Variants in MYOM1 observed in about 807,000 individuals in gnomAD.
MYOM1 encodes the protein myomesin-1.
In MYOM1, 164 loss-of-function variants were observed where a neutral mutation model predicts 205.3. That is an observed-to-expected ratio of 0.80 (90% confidence interval 0.70 to 0.91). The LOEUF is 0.91. Ranked by LOEUF, MYOM1 falls within the 40% of genes least tolerant of loss-of-function variation. The pLI is 0.00. For synonymous variants in MYOM1, 772 were observed against 789.4 expected (o/e 0.98, Z 0.37); for missense variants, 2,011 against 2,127.3 (o/e 0.95, Z 1.08).
At chr18:3,206,579 T>G (rs2081125944) in intron 2 of MYOM1, among the ~76,000 whole-genome samples, 1 of 152,228 alleles carries the variant, frequency 6.6e-6, no homozygotes, top group Non-Finnish European at 1.5e-5. Context: ...ATGATACTTT[T>G]CTTTGGACTT....
chr18:3,177,882 A>G (rs1479941696), intron 5 of MYOM1, among the ~76,000 whole-genome samples: 1 of 152,160 alleles, frequency 6.6e-6, no homozygotes, highest in Non-Finnish European at 1.5e-5. Flanking sequence ...ATGAAAGGAA[A>G]CTTCTGACAA....
intron 22 of MYOM1, among the ~76,000 whole-genome samples, chr18:3,105,887 G>A (rs968046693): frequency 6.6e-6 from 1 of 152,034 alleles, no homozygotes; most frequent in Admixed American, 6.6e-5. Flanking sequence ...TTTAGTTTTT[G>A]TCTCAATTGC....
At chr18:3,243,155 T>C in the MYOM1 span, among the ~76,000 whole-genome samples, 1 of 152,174 alleles carries the variant, frequency 6.6e-6, no homozygotes, top group Non-Finnish European at 1.5e-5. Context: ...ATTTGTAGTT[T>C]TGGTGCTCTA....
At chr18:3,130,986 G>A (rs745504626) in intron 17 of MYOM1, among the ~76,000 whole-genome samples, 2 of 152,216 alleles carry the variant, frequency 1.3e-5, no homozygotes, top group Non-Finnish European at 2.9e-5. Context: ...AAACAAGCCA[G>A]GCTCTGGCAT....
chr18:3,146,025 TAA>T (rs572493718), intron 13 of MYOM1, among the ~76,000 whole-genome samples: 1 of 152,026 alleles, frequency 6.6e-6, no homozygotes, highest in Non-Finnish European at 1.5e-5. Flanking sequence ...TGAAAACTAT[TAA>T]ATTTTACTCA....
intron 25 of MYOM1, among the ~76,000 whole-genome samples, chr18:3,099,314 A>G (rs534911248): frequency 6.6e-6 from 1 of 152,388 alleles, no homozygotes; most frequent in South Asian, 2.1e-4. Flanking sequence ...AAATGCACAT[A>G]TATCAATATA....
At chr18:3,156,799 T>C (rs926983035) in intron 10 of MYOM1, among the ~76,000 whole-genome samples, 4 of 151,968 alleles carry the variant, frequency 2.6e-5, no homozygotes, top group Non-Finnish European at 2.9e-5. Context: ...TTAGTAGAGA[T>C]GGGGATTCAC....
intron 25 of MYOM1, among the ~76,000 whole-genome samples, chr18:3,098,169 CAGGG>C (rs1266874516): frequency 2.0e-5 from 3 of 152,220 alleles, no homozygotes; most frequent in Non-Finnish European, 4.4e-5. Context: ...GCAGCAGGTT[CAGGG>C]ATCACTGGTC....
rs775843008 is a variant in MYOM1, at chr18:3,161,831, A to G, written c.1501+2447T>C. Among the ~76,000 whole-genome samples, 234 of 152,334 alleles carry G rather than the reference A, an allele frequency of 1.5e-3. 3 individuals are homozygous for G. The highest frequency in any genetic ancestry group is 4.7e-4 in the Non-Finnish European group (32 of 68,028). On this transcript the variant is annotated intron_variant, in intron 10 of 37. Coordinates refer to ENST00000356443, the MANE Select transcript of MYOM1 (RefSeq NM_003803.4). ...TACTTTTTTGAACCTCAGTTTCTGCATCATAAAATTAAGGGGTTGTACTAG... is the reference window on the plus strand; with the variant it reads ...TACTTTTTTGAACCTCAGTTTCTGCGTCATAAAATTAAGGGGTTGTACTAG...
At chr18:3,173,836 C>T (rs2080594990) in intron 8 of MYOM1, 102 bp downstream of exon 8, 19 of 1,052,780 alleles carry the variant, frequency 1.8e-5, no homozygotes, top group Non-Finnish European at 2.7e-5. Context: ...CTAGCATATA[C>T]TATGTTATAT....
intron 1 of MYOM1, 85 bp from the exon 2 acceptor site, chr18:3,215,336 A>G (rs2144261932): frequency 6.3e-6 from 7 of 1,109,808 alleles, no homozygotes; most frequent in Non-Finnish European, 8.8e-6. Context: ...GTAAAAATCA[A>G]TACTCTTGGC....
intron 8 of MYOM1, among the ~76,000 whole-genome samples, chr18:3,173,573 C>CGT (rs71159051): frequency 0.051 from 6,989 of 136,870 alleles, 187 homozygotes; most frequent in East Asian, 0.088. Context: ...AGTCCAGACT[C>CGT]GTGTGTGTGT....
intron 12 of MYOM1, among the ~76,000 whole-genome samples, chr18:3,150,063 T>C (rs2080195044): frequency 6.6e-6 from 1 of 151,996 alleles, no homozygotes; most frequent in African/African-American, 2.4e-5. Flanking sequence ...GTAACATTAT[T>C]ATTATTATTA....
Position 3,112,192 on chromosome 18 carries a change from C to G in MYOM1, c.3418+106G>C, listed in dbSNP as rs913684470. On this transcript the variant is annotated intron_variant, in intron 22 of 37. Coordinates refer to ENST00000356443, the MANE Select transcript of MYOM1 (RefSeq NM_003803.4). Reference sequence around the variant, plus strand: ...TTACTTATCAATTATATTCAGATAGCACACATTGATTGTTTTGAAAATTAG... The same window carrying G: ...TTACTTATCAATTATATTCAGATAGGACACATTGATTGTTTTGAAAATTAG... The G allele has an allele frequency of 7.3e-6, 6 of 827,398 alleles. No homozygotes were observed. In the East Asian group the frequency reaches 1.6e-4, roughly 22 times the overall value. The allele number at this position is 827,398 out of a possible 1,614,324, so 51.3% of individuals were successfully genotyped here.
At chr18:3,212,325 C>T (rs1386282896) in intron 2 of MYOM1, among the ~76,000 whole-genome samples, 1 of 152,044 alleles carries the variant, frequency 6.6e-6, no homozygotes, top group Admixed American at 6.6e-5. Flanking sequence ...AGTTCCATTC[C>T]CTAGAGAAAG....
rs548002179 is a variant in MYOM1, at chr18:3,193,570, G to T, written c.431+248C>A. ...TGATGGCAAAATTTCTGAAGAGGAA[G>T]TCCCTTTTAACACAGTTAACACATC... is the stretch of plus-strand genomic sequence containing the variant. On this transcript the variant is annotated intron_variant, in intron 3 of 37. Coordinates refer to ENST00000356443, the MANE Select transcript of MYOM1 (RefSeq NM_003803.4). Among the ~76,000 whole-genome samples the T allele has an allele frequency of 7.2e-5, 11 of 152,164 alleles. No homozygotes were observed. The East Asian group carries it at 2.1e-3, about 29-fold the overall frequency.
rs141233370 is a variant in MYOM1, at chr18:3,124,832, C to G, written c.2991+1869G>C. The stretch of plus-strand genomic sequence containing the variant: ...GAGAAGGCATTTCACCACAAAGGCA[C>G]AAAAATCACTAAGGACAAAGCATAT... On this transcript the variant is annotated intron_variant, in intron 19 of 37. Transcript: ENST00000356443. 4.5e-3 allele frequency among the ~76,000 whole-genome samples: 690 copies of G among 152,130 alleles called. 2 individuals carry two copies. The highest frequency in any genetic ancestry group is 6.9e-3 in the Non-Finnish European group (471 of 68,002).
intron 14 of MYOM1, among the ~76,000 whole-genome samples, chr18:3,137,739 T>A (rs1444278841): frequency 2.0e-5 from 3 of 152,146 alleles, no homozygotes; most frequent in Non-Finnish European, 4.4e-5. Flanking sequence ...GTTCTAGTGT[T>A]CAATAGCACA....
intron 14 of MYOM1, 91 bp downstream of exon 14, chr18:3,141,848 C>T: frequency 2.0e-6 from 3 of 1,514,706 alleles, no homozygotes; most frequent in South Asian, 2.3e-5. Flanking sequence ...CTCCTCCTCC[C>T]TCACTCCATT....
Sources: allele counts gnomAD v4.1 joint callset (sites outside exome capture counted in the v4.1 genomes callset), GRCh38; gene constraint gnomAD v4.1.1; transcripts MANE v1.5; gene names NCBI Gene and HGNC (gene_info 2026-07-23, HGNC 2026-07-21).